The following MIPOL1 variants were observed in gnomAD, a reference collection of about 807,000 sequenced individuals.
The protein encoded by MIPOL1 is mirror-image polydactyly 1.
In MIPOL1, 57 loss-of-function variants were observed where a neutral mutation model predicts 60.9. The observed-to-expected ratio is 0.94, with a 90% CI of 0.76 to 1.17. MIPOL1 has a LOEUF of 1.17. Among genes scored for constraint, MIPOL1 ranks in the 50% most tolerant of loss-of-function variants. The pLI, the probability that MIPOL1 is intolerant of heterozygous loss-of-function variation, is 0.00. For synonymous variants in MIPOL1, 179 were observed against 168.8 expected, an observed-to-expected ratio of 1.06 and a Z score of -0.47; for missense variants, 551 against 511.6, an observed-to-expected ratio of 1.08 and a Z score of -0.74.
intron 11 of MIPOL1, among the ~76,000 whole-genome samples, chr14:37,444,648 A>T (rs1411135549): frequency 6.6e-6 from 1 of 152,192 alleles, no homozygotes; most frequent in Non-Finnish European, 1.5e-5. Context: ...CAAGACACTG[A>T]TATTGGTGAA....
intron 3 of MIPOL1, among the ~76,000 whole-genome samples, chr14:37,254,636 A>G (rs1024348040): frequency 6.6e-6 from 1 of 151,706 alleles, no homozygotes; most frequent in Non-Finnish European, 1.5e-5. Flanking sequence ...AATTCTTAGT[A>G]GGGGGAAAAT....
chr14:37,468,233 G>A (rs78598771), intron 11 of MIPOL1, among the ~76,000 whole-genome samples: 3,279 of 151,786 alleles, frequency 0.022, 114 homozygotes, highest in African/African-American at 0.074. Flanking sequence ...AATAAATGCC[G>A]CTTTCAGGAA....
At chr14:37,242,864 T>G (rs564327866) in intron 1 of MIPOL1, among the ~76,000 whole-genome samples, 5 of 152,298 alleles carry the variant, frequency 3.3e-5, no homozygotes, top group African/African-American at 9.6e-5. Flanking sequence ...CTACTTTAGA[T>G]GGGATGGCCA....
At chr14:37,353,097 T>G (rs1247094757) in intron 9 of MIPOL1, among the ~76,000 whole-genome samples, 12 of 134,194 alleles carry the variant, frequency 8.9e-5, no homozygotes, top group African/African-American at 2.8e-4. Context: ...CCTAATTTAT[T>G]GAGAGTTTTT....
At chr14:37,220,982 T>A (rs1968651517) in intron 1 of MIPOL1, among the ~76,000 whole-genome samples, 1 of 152,162 alleles carries the variant, frequency 6.6e-6, no homozygotes, top group Non-Finnish European at 1.5e-5. Context: ...GGGGTCTTGC[T>A]GTGTTGCCTA....
At chr14:37,218,515 G>A (rs1053420926) in intron 1 of MIPOL1, among the ~76,000 whole-genome samples, 1 of 152,084 alleles carries the variant, frequency 6.6e-6, no homozygotes, top group South Asian at 2.1e-4. Context: ...GTGTGTTGAG[G>A]TCTGTTTGAT....
intron 7 of MIPOL1, among the ~76,000 whole-genome samples, chr14:37,302,198 C>T (rs1162691457): frequency 6.8e-6 from 1 of 147,920 alleles, no homozygotes; most frequent in African/African-American, 2.5e-5. Flanking sequence ...AGTGGCTATA[C>T]TAGCAATGAA....
rs1429722715 is a variant in MIPOL1, at chr14:37,548,467, T to A, written c.*1496T>A. The A allele has an allele frequency of 6.6e-6, 1 of 152,064 alleles. No individual in the cohort carries two copies. The highest frequency in any genetic ancestry group is 2.4e-5 in the African/African-American group (1 of 41,460). 9.4% of individuals were successfully genotyped at this position (152,064 alleles called of 1,614,324 possible). A position where few individuals can be genotyped will look rare whatever the true frequency, so the allele number is the denominator to read the frequency against. ...AACAGGGGTTAAAAATAAACTGATT[T>A]AATTTGCTCTATAGTCCTAAAGAGA... On this transcript the variant is annotated 3_prime_UTR_variant, in exon 13 of 13. Transcript: ENST00000684589.
intron 10 of MIPOL1, among the ~76,000 whole-genome samples, chr14:37,421,523 A>G (rs1385908123): frequency 6.6e-6 from 1 of 152,132 alleles, no homozygotes; most frequent in African/African-American, 2.4e-5. Context: ...TTTGACGTTA[A>G]GAATCAGCCA....
chr14:37,423,090 A>T, intron 11 of MIPOL1, 141 bp downstream of exon 11: 1 of 573,570 alleles, frequency 1.7e-6, no homozygotes. Flanking sequence ...ACTAAAAAAG[A>T]TTCAGGCTTA....
At chr14:37,360,852 T>G (rs1219722710) in intron 9 of MIPOL1, among the ~76,000 whole-genome samples, 5 of 152,226 alleles carry the variant, frequency 3.3e-5, no homozygotes, top group Non-Finnish European at 7.3e-5. Context: ...ATTTCTTGCC[T>G]TCTGCTAGCT....
intron 12 of MIPOL1, among the ~76,000 whole-genome samples, chr14:37,511,333 T>C (rs894756255): frequency 3.3e-5 from 5 of 152,192 alleles, no homozygotes; most frequent in African/African-American, 4.8e-5. Context: ...AATGTGTAGT[T>C]TGTGGATGAA....
At chr14:37,417,422 G>A (rs1470593834) in intron 10 of MIPOL1, among the ~76,000 whole-genome samples, 1 of 152,088 alleles carries the variant, frequency 6.6e-6, no homozygotes, top group Non-Finnish European at 1.5e-5. Context: ...ATGACATCAG[G>A]ACAAAATAGA....
chr14:37,403,029 C>G (rs61988196), intron 10 of MIPOL1, among the ~76,000 whole-genome samples: 11 of 152,174 alleles, frequency 7.2e-5, no homozygotes, highest in Non-Finnish European at 1.5e-4. Context: ...TGCTTGTGTA[C>G]TTTTCCAATA....
intron 1 of MIPOL1, among the ~76,000 whole-genome samples, chr14:37,217,137 G>T (rs907068143): frequency 6.6e-6 from 1 of 152,088 alleles, no homozygotes; most frequent in Admixed American, 6.6e-5. Context: ...CAATAAATTG[G>T]AAAATGTAAG....
At chr14:37,484,359 G>C (rs1254634619) in intron 11 of MIPOL1, among the ~76,000 whole-genome samples, 1 of 95,656 alleles carries the variant, frequency 1.0e-5, no homozygotes, top group Non-Finnish European at 1.9e-5. Context: ...TTTTTTTTGA[G>C]ACGGAGTCTC....
At chr14:37,277,903 A>C (rs2083801058) in intron 6 of MIPOL1, 1 of 151,590 alleles carries the variant, frequency 6.6e-6, no homozygotes, top group Non-Finnish European at 1.5e-5. Flanking sequence ...CACATATAGC[A>C]TGTCCAAATG....
chr14:37,257,087 G>A (rs878855839), intron 3 of MIPOL1, among the ~76,000 whole-genome samples: 1 of 111,314 alleles, frequency 9.0e-6, no homozygotes, highest in Non-Finnish European at 1.8e-5. Context: ...GGGTTTTTTG[G>A]TTTTGTTTTG....
intron 11 of MIPOL1, among the ~76,000 whole-genome samples, chr14:37,455,124 A>G (rs963867284): frequency 3.9e-5 from 6 of 152,182 alleles, no homozygotes; most frequent in African/African-American, 1.4e-4. Flanking sequence ...ATTTCATGGT[A>G]AACCCAATTC....
Sources: allele counts gnomAD v4.1 joint callset (sites outside exome capture counted in the v4.1 genomes callset), GRCh38; gene constraint gnomAD v4.1.1; transcripts MANE v1.5; gene names NCBI Gene and HGNC (gene_info 2026-07-23, HGNC 2026-07-21).